Variants in TENM4 observed in about 807,000 individuals in gnomAD.
TENM4 encodes teneurin-4.
Under a neutral mutation model 243.3 loss-of-function variants are expected in TENM4, and 82 were observed. That is an observed-to-expected ratio of 0.34 (90% CI 0.28 to 0.40). TENM4 has a LOEUF of 0.40. TENM4 is among the 10% of genes least tolerant of loss of function. The pLI, the probability that TENM4 is intolerant of heterozygous loss-of-function variation, is 1.00. For synonymous variants in TENM4, 1,412 were observed against 1,456.3 expected, an observed-to-expected ratio of 0.97 and a Z score of 0.69; for missense variants, 3,138 against 3,673.3, an observed-to-expected ratio of 0.85 and a Z score of 3.77.
intron 9 of TENM4, among the ~76,000 whole-genome samples, chr11:78,863,815 G>A (rs1368508769): frequency 1.3e-5 from 2 of 152,096 alleles, no homozygotes; most frequent in Admixed American, 6.5e-5. Flanking sequence ...TTTATCCTGG[G>A]ACATAAAGCT....
intron 12 of TENM4, among the ~76,000 whole-genome samples, chr11:78,844,170 A>T (rs1276447895): frequency 6.6e-6 from 1 of 152,192 alleles, no homozygotes; most frequent in Non-Finnish European, 1.5e-5. Context: ...AGAGACTGCT[A>T]CTATCTTATG....
chr11:78,667,966 G>A (rs997417484), intron 32 of TENM4, among the ~76,000 whole-genome samples: 1 of 152,186 alleles, frequency 6.6e-6, no homozygotes, highest in African/African-American at 2.4e-5. Flanking sequence ...GGAGGGCTGT[G>A]GCTGCTGGAG....
chr11:78,664,852 T>G (rs188970751), intron 32 of TENM4, among the ~76,000 whole-genome samples: 215 of 152,332 alleles, frequency 1.4e-3, no homozygotes, highest in Admixed American at 0.011. Flanking sequence ...ATACTGCAAA[T>G]TCTCAGGAAA....
intron 3 of TENM4, among the ~76,000 whole-genome samples, chr11:79,189,163 A>G (rs565450453): frequency 6.6e-6 from 1 of 152,386 alleles, no homozygotes; most frequent in South Asian, 2.1e-4. Context: ...TCATGTTGTC[A>G]TAATACATGA....
intron 18 of TENM4, among the ~76,000 whole-genome samples, chr11:78,769,166 G>C (rs10899567): frequency 0.14 from 21,910 of 152,144 alleles, 1,782 homozygotes; most frequent in East Asian, 0.39. Flanking sequence ...TTAGTCATTG[G>C]AATTGTGCCT....
chr11:79,254,457 G>A (rs992467694), intron 2 of TENM4, among the ~76,000 whole-genome samples: 2 of 152,096 alleles, frequency 1.3e-5, no homozygotes, highest in East Asian at 1.9e-4. Flanking sequence ...TTTCTTTTAC[G>A]GAAGAATAGC....
chr11:78,753,180 G>A (rs916021802), intron 19 of TENM4, among the ~76,000 whole-genome samples: 1 of 152,102 alleles, frequency 6.6e-6, no homozygotes, highest in East Asian at 1.9e-4. Flanking sequence ...TATGATATGC[G>A]GCTGCTACAA....
rs1466127433 is a variant in TENM4 at position 78,854,278 on chromosome 11, G to C, written c.1507C>G (p.Leu503Val). The part of the protein sequence containing the change: ...FVELLDGRRL[L>V]TQEARSLEGT... ...TCTAGGCTCCGCGCCTCCTGGGTTA[G>C]GAGCCTCCTGCCATCCAGCAGCTCC... Residue 503 changes from leucine (L) to valine (V), a missense_variant, in exon 12 of 34, where the codon CTA (leucine) becomes GTA (valine). Leu to Val is a conservative substitution (Grantham distance 32). Around this residue, in one of 2 missense-constraint regions of TENM4, gnomAD observed 2,467 missense variants for 3,059.1 expected, o/e 0.81. Transcript: ENST00000278550. 8 of 1,524,720 alleles carry C rather than the reference G, an allele frequency of 5.2e-6. No homozygotes were observed. Among genetic ancestry groups the C allele is most frequent in the Non-Finnish European group, 7.1e-6 (8 of 1,133,016 alleles). The allele number at this position is 1,524,720 out of a possible 1,614,324, so 94.4% of individuals were successfully genotyped here.
Position 78,701,987 on chromosome 11 carries a change from C to T in TENM4, c.4626G>A (p.Leu1542=). The T allele has an allele frequency of 6.2e-7, 1 of 1,614,008 alleles. No individual in the cohort carries two copies. ...KDAKLNTPSS[L]AVCADGELYV... ...AGAGCTCCCCATCAGCACACACAGC[C>T]AAGGAAGATGGGGTATTTAACTTTG... The change falls in exon 28 of 34, where the codon TTG becomes TTA. Residue 1542 remains leucine, a synonymous_variant. Transcript: ENST00000278550.
chr11:78,817,742 A>G (rs1166997207), intron 12 of TENM4, among the ~76,000 whole-genome samples: 2 of 152,252 alleles, frequency 1.3e-5, no homozygotes, highest in African/African-American at 4.8e-5. Context: ...GAAGGAGTAT[A>G]GAACAGAAAG....
chr11:79,138,331 T>TATATATATATATATATATATA (rs1555015535), intron 4 of TENM4, among the ~76,000 whole-genome samples: 14 of 76,114 alleles, frequency 1.8e-4, no homozygotes, highest in East Asian at 1.7e-3. Flanking sequence ...ATATATATAT[T>TATATATATATATATATATATA]ATATATATAA....
rs150229058 is a variant in TENM4, at chr11:79,264,252, T to A, written c.-265+33236A>T. Among the ~76,000 whole-genome samples the A allele has an allele frequency of 4.6e-5, 7 of 152,234 alleles. No homozygotes were observed. The East Asian group carries it at 1.4e-3, about 29-fold the overall frequency. On this transcript the variant is annotated intron_variant, in intron 2 of 33. Transcript: ENST00000278550. ...AATCCCAAGCTACCCGGGCTCAACATCTATCTTTTGGCCTTCCTGTTTTGT... is the reference window on the plus strand; with the variant it reads ...AATCCCAAGCTACCCGGGCTCAACAACTATCTTTTGGCCTTCCTGTTTTGT...
At chr11:79,239,211 A>G (rs1864542020) in intron 2 of TENM4, among the ~76,000 whole-genome samples, 2 of 152,304 alleles carry the variant, frequency 1.3e-5, no homozygotes, top group South Asian at 4.2e-4. Context: ...TGCTCATCAG[A>G]TATGCTCAGT....
intron 31 of TENM4, among the ~76,000 whole-genome samples, chr11:78,671,328 G>A (rs7119317): frequency 0.05 from 7,649 of 152,116 alleles, 649 homozygotes; most frequent in African/African-American, 0.17. Flanking sequence ...CACTTTTGGG[G>A]GTACTCACCC....
Position 78,771,035 on chromosome 11 carries a change from A to C in TENM4, c.2496T>G (p.Thr832=). The C allele has an allele frequency of 3.8e-6, 6 of 1,583,700 alleles. No homozygotes were observed. The highest frequency in any genetic ancestry group is 5.2e-6 in the Non-Finnish European group (6 of 1,164,940). Residue 832 remains threonine, a synonymous_variant, in exon 18 of 34, where the codon ACT becomes ACG. Transcript: ENST00000278550. ...TGTCACCGCAGGCAGTCTCCATGGA[A>C]GTGTCACAGCCAGCTCCTCTCCAGC... is the stretch of plus-strand genomic sequence containing the variant. ...QLGWRGAGCD[T]SMETACGDSK...
intron 6 of TENM4, among the ~76,000 whole-genome samples, chr11:78,998,806 C>T (rs1858241331): frequency 6.6e-6 from 1 of 152,140 alleles, no homozygotes; most frequent in African/African-American, 2.4e-5. Context: ...AGCATGAGGT[C>T]ATAGTGGGGC....
At chr11:79,156,085 C>T (rs1862609748) in intron 3 of TENM4, among the ~76,000 whole-genome samples, 1 of 152,132 alleles carries the variant, frequency 6.6e-6, no homozygotes, top group South Asian at 2.1e-4. Context: ...TAGGACTGGC[C>T]TCTCCCAGCA....
intron 6 of TENM4, among the ~76,000 whole-genome samples, chr11:79,063,894 G>C (rs55794697): frequency 0.59 from 89,219 of 152,032 alleles, 26,564 homozygotes; most frequent in African/African-American, 0.62. Flanking sequence ...TGGGATCAGG[G>C]GGAAGCTGCA....
chr11:79,092,443 C>A (rs1345851698), intron 4 of TENM4, among the ~76,000 whole-genome samples: 1 of 152,228 alleles, frequency 6.6e-6, no homozygotes, highest in African/African-American at 2.4e-5. Context: ...TCTCGGGAGA[C>A]TGCGTCATTC....
Sources: allele counts gnomAD v4.1 joint callset (sites outside exome capture counted in the v4.1 genomes callset), GRCh38; gene constraint gnomAD v4.1.1; regional missense constraint gnomAD v4.1.1; transcripts MANE v1.5; gene names NCBI Gene and HGNC (gene_info 2026-07-23, HGNC 2026-07-21).